HUNK: variants seen among roughly 807,000 people sequenced by gnomAD.
HUNK encodes hormonally up-regulated Neu-associated kinase.
A neutral mutation model predicts 61.0 loss-of-function variants in HUNK; 21 were observed. The ratio of observed to expected loss-of-function variants is 0.34; its 90% CI spans 0.24 to 0.50. HUNK has a LOEUF of 0.50. Among genes scored for constraint, HUNK ranks in the 20% least tolerant of loss-of-function variants. The pLI, the probability that HUNK is intolerant of heterozygous loss-of-function variation, is 0.98. For missense variants in HUNK, 772 were observed against 945.7 expected, an observed-to-expected ratio of 0.82 and a Z score of 2.41; for synonymous variants, 371 against 386.1, an observed-to-expected ratio of 0.96 and a Z score of 0.46.
At chr21:31,942,319 C>T (rs2052774388) in intron 3 of HUNK, among the ~76,000 whole-genome samples, 1 of 152,224 alleles carries the variant, frequency 6.6e-6, no homozygotes, top group Non-Finnish European at 1.5e-5. Context: ...CCTCTGTCTC[C>T]TCTGTGCTTG....
intron 5 of HUNK, 76 bp from the exon 6 acceptor site, chr21:31,968,174 C>A: frequency 1.3e-6 from 2 of 1,579,042 alleles, no homozygotes; most frequent in Non-Finnish European, 1.7e-6. Flanking sequence ...GTGGCGAGTC[C>A]CCTGTGATGG....
chr21:31,945,507 G>A (rs2052795884), intron 3 of HUNK, among the ~76,000 whole-genome samples: 1 of 152,138 alleles, frequency 6.6e-6, no homozygotes, highest in South Asian at 2.1e-4. Flanking sequence ...ATAACTTAGG[G>A]GGAATTTTTA....
rs1017858289 is a variant in HUNK at position 31,921,119 on chromosome 21, C to T, written c.262-3349C>T. Among the ~76,000 whole-genome samples the T allele has an allele frequency of 2.5e-5, 3 of 121,790 alleles. No homozygotes were observed. The Admixed American group carries it at 3.4e-4, about 14-fold the overall frequency. 79.9% of individuals were successfully genotyped at this position (121,790 alleles called of 152,430 possible). A position where few individuals can be genotyped will look rare whatever the true frequency, so the allele number is the denominator to read the frequency against. On this transcript the variant is annotated intron_variant, in intron 1 of 10. Coordinates refer to ENST00000270112, the MANE Select transcript of HUNK (RefSeq NM_014586.2). The stretch of plus-strand genomic sequence containing the variant: ...GGGAGCCGCCAAGATTGTGCCACTG[C>T]ATTCCAGCCTGGGCCACAGAGCGAG...
intron 9 of HUNK, among the ~76,000 whole-genome samples, chr21:31,991,780 C>G (rs995586389): frequency 6.6e-6 from 1 of 152,216 alleles, no homozygotes; most frequent in African/African-American, 2.4e-5. Flanking sequence ...AAACTTACCT[C>G]AGCTCCCAGG....
At chr21:31,887,136 A>C (rs1248282632) in intron 1 of HUNK, among the ~76,000 whole-genome samples, 1 of 152,050 alleles carries the variant, frequency 6.6e-6, no homozygotes, top group Non-Finnish European at 1.5e-5. Context: ...CTGTAGAAAA[A>C]TCCTGGCCCC....
chr21:31,989,773 A>C (rs1249672252), intron 8 of HUNK, among the ~76,000 whole-genome samples: 1 of 151,128 alleles, frequency 6.6e-6, no homozygotes, highest in Non-Finnish European at 1.5e-5. Context: ...GGCAGAGGAC[A>C]TGGGGATGGC....
intron 1 of HUNK, among the ~76,000 whole-genome samples, chr21:31,888,452 G>A (rs2052363412): frequency 1.8e-5 from 1 of 56,354 alleles, no homozygotes; most frequent in African/African-American, 7.6e-5. Flanking sequence ...TAATATGTGT[G>A]TTAGGCTGGA....
rs569051626 is a variant in HUNK, at chr21:31,909,709, G to T, written c.262-14759G>T. 3.2e-4 allele frequency among the ~76,000 whole-genome samples: 49 copies of T among 152,274 alleles called. 2 individuals are homozygous for T. The highest frequency in any genetic ancestry group is 6.2e-4 in the South Asian group (3 of 4,830). On this transcript the variant is annotated intron_variant, in intron 1 of 10. Coordinates refer to ENST00000270112, the MANE Select transcript of HUNK (RefSeq NM_014586.2). ...ATGTGTGTGTTTGCTGTCTAGCATC[G>T]TTTCTCTGCAAATCGGAGCAACACT...
Position 31,907,712 on chromosome 21 carries a change from G to A in HUNK, c.262-16756G>A, listed in dbSNP as rs183401648. On this transcript the variant is annotated intron_variant, in intron 1 of 10. Coordinates refer to ENST00000270112, the MANE Select transcript of HUNK (RefSeq NM_014586.2). ...CACTTAAAAGTGGTGAGGATGGGCCGGGCGTGCTGGCTCACACCTGTAATC... is the reference window on the plus strand; with the variant it reads ...CACTTAAAAGTGGTGAGGATGGGCCAGGCGTGCTGGCTCACACCTGTAATC... Among the ~76,000 whole-genome samples, 229 of 152,244 alleles carry A rather than the reference G, an allele frequency of 1.5e-3. 1 individual carries two copies. The highest frequency in any genetic ancestry group is 0.01 in the Middle Eastern group (3 of 294).
intron 5 of HUNK, among the ~76,000 whole-genome samples, chr21:31,962,192 A>G (rs902093432): frequency 4.6e-5 from 7 of 152,212 alleles, no homozygotes; most frequent in African/African-American, 1.7e-4. Context: ...TCACCCAACT[A>G]AAGAGAATGG....
Position 31,998,950 on chromosome 21 carries a change from T to C in HUNK, c.1911T>C (p.Cys637=). The C allele has an allele frequency of 1.2e-6, 2 of 1,614,220 alleles. No individual in the cohort carries two copies. Among genetic ancestry groups the C allele is most frequent in the Non-Finnish European group, 1.7e-6 (2 of 1,180,036 alleles). ...GCCCCCCAAAAGAGGAGGGCCTGTGTTGCCCACCTCCGGTTCCCAGCAATG... is the reference window on the plus strand; with the variant it reads ...GCCCCCCAAAAGAGGAGGGCCTGTGCTGCCCACCTCCGGTTCCCAGCAATG... ...KNSPPKEEGL[C]CPPPVPSNGP... The change falls in exon 11 of 11, where the codon TGT becomes TGC. Residue 637 remains cysteine (C), a synonymous_variant. Transcript: ENST00000270112.
At chr21:31,942,205 G>A (rs535412406) in intron 3 of HUNK, among the ~76,000 whole-genome samples, 20 of 152,306 alleles carry the variant, frequency 1.3e-4, no homozygotes, top group Non-Finnish European at 1.6e-4. Flanking sequence ...GCGAGACTCC[G>A]TCTCAAAAAG....
intron 7 of HUNK, among the ~76,000 whole-genome samples, chr21:31,979,219 A>G (rs9981593): frequency 0.49 from 73,587 of 151,284 alleles, 18,525 homozygotes; most frequent in South Asian, 0.6. Flanking sequence ...CCTGGATTCA[A>G]GCAATTCTCC....
chr21:31,974,194 T>G, intron 6 of HUNK: 1 of 159,472 alleles, frequency 6.3e-6, no homozygotes, highest in Non-Finnish European at 1.4e-5. Context: ...TATTAAGTGA[T>G]TATTAAAATT....
intron 1 of HUNK, among the ~76,000 whole-genome samples, chr21:31,922,889 G>A (rs2052632174): frequency 6.6e-6 from 1 of 152,156 alleles, no homozygotes; most frequent in Non-Finnish European, 1.5e-5. Context: ...ACAAAAAAGA[G>A]AAATAACAAG....
intron 1 of HUNK, among the ~76,000 whole-genome samples, chr21:31,886,814 T>A (rs1394583154): frequency 2.0e-5 from 3 of 152,040 alleles, no homozygotes; most frequent in African/African-American, 7.3e-5. Flanking sequence ...CCCAGCTAAT[T>A]TTTGTATTTT....
chr21:31,971,050 C>T (rs1357718525), intron 6 of HUNK, among the ~76,000 whole-genome samples: 1 of 144,572 alleles, frequency 6.9e-6, no homozygotes, highest in Admixed American at 7.3e-5. Flanking sequence ...AGCGTGGAAC[C>T]AGAATTCTTT....
intron 5 of HUNK, among the ~76,000 whole-genome samples, chr21:31,963,036 C>T (rs1421914187): frequency 1.3e-5 from 2 of 152,204 alleles, no homozygotes; most frequent in African/African-American, 4.8e-5. Flanking sequence ...AGCTGCTGCC[C>T]TTCTGACAGC....
At chr21:31,983,384 A>G in intron 7 of HUNK, 142 bp from the exon 8 acceptor site, 1 of 663,462 alleles carries the variant, frequency 1.5e-6, no homozygotes, top group Non-Finnish European at 2.6e-6. Flanking sequence ...TCCTGGGGTG[A>G]GACTTGATGT....
Sources: allele counts gnomAD v4.1 joint callset (sites outside exome capture counted in the v4.1 genomes callset), GRCh38; gene constraint gnomAD v4.1.1; transcripts MANE v1.5; gene names NCBI Gene and HGNC (gene_info 2026-07-23, HGNC 2026-07-21).